Variants in SNX31 observed in about 807,000 individuals in gnomAD.
SNX31 encodes the protein sorting nexin 31.
In SNX31, 58 loss-of-function variants were observed where a neutral mutation model predicts 65.4. That is an observed-to-expected ratio of 0.89 (90% CI 0.72 to 1.10). SNX31 has a LOEUF of 1.10. SNX31 is among the 50% of genes least tolerant of loss of function. SNX31 has a pLI of 0.00. For missense variants in SNX31, 523 were observed against 529.7 expected (o/e 0.99, Z 0.12); for synonymous variants, 181 against 190.1 (o/e 0.95, Z 0.39).
At chr8:100,659,878 T>TC (rs1268868217) in intron 1 of SNX31, among the ~76,000 whole-genome samples, 3 of 152,178 alleles carry the variant, frequency 2.0e-5, no homozygotes, top group Non-Finnish European at 2.9e-5. Context: ...TGTTTTTTTT[T>TC]CACTTAATCC....
chr8:100,653,209 G>A (rs1820004178), upstream of SNX31, among the ~76,000 whole-genome samples: 2 of 152,066 alleles, frequency 1.3e-5, no homozygotes, highest in Non-Finnish European at 2.9e-5. Context: ...GGTGCTCTAG[G>A]GTCTTTGGAA....
chr8:100,654,628 T>C (rs1356446975), upstream of SNX31, among the ~76,000 whole-genome samples: 1 of 152,224 alleles, frequency 6.6e-6, no homozygotes, highest in Non-Finnish European at 1.5e-5. Flanking sequence ...CCAGGGGACC[T>C]GGGAATGGGC....
chr8:100,584,038 G>A lies in SNX31; in HGVS notation c.1170+73C>T, dbSNP rs1813797158. The stretch of plus-strand genomic sequence containing the variant: ...CTGCTGGCTCAGGGAGCTCATGAGT[G>A]TAGTTTGGTCTCCAACTGTTGGCTG... On this transcript the variant is annotated intron_variant, in intron 12 of 13. Transcript: ENST00000311812. The A allele has an allele frequency of 2.4e-5, 33 of 1,367,424 alleles. 1 individual carries two copies. In the South Asian group the frequency reaches 3.9e-4, roughly 16 times the overall value. 84.7% of individuals were successfully genotyped at this position (1,367,424 alleles called of 1,614,324 possible). A position where few individuals can be genotyped will look rare whatever the true frequency, so the allele number is the denominator to read the frequency against.
chr8:100,638,188 C>G (rs904958682), intron 2 of SNX31, among the ~76,000 whole-genome samples: 6 of 152,200 alleles, frequency 3.9e-5, no homozygotes, highest in Admixed American at 6.5e-5. Flanking sequence ...GATCATTCCA[C>G]TGCCTTTCTC....
chr8:100,614,640 T>C lies in SNX31; in HGVS notation c.433-1555A>G, dbSNP rs188333603. On this transcript the variant is annotated intron_variant, in intron 5 of 13. Coordinates refer to ENST00000311812, the MANE Select transcript of SNX31 (RefSeq NM_152628.4). This position sits in a 1 kb window ranked among gnomAD's most constrained non-coding sequence, Gnocchi z 5.1. ...CTGTAATCCCAGCACTTTGGAAGGCTGAGGCGGGTTGATCACCTAAGGTCA... is the reference window on the plus strand; with the variant it reads ...CTGTAATCCCAGCACTTTGGAAGGCCGAGGCGGGTTGATCACCTAAGGTCA... Among the ~76,000 whole-genome samples, 635 of 152,184 alleles carry C rather than the reference T, an allele frequency of 4.2e-3. 4 individuals are homozygous for C. The highest frequency in any genetic ancestry group is 0.015 in the African/African-American group (603 of 41,508).
rs1322712879 is a variant in SNX31 at position 100,588,247 on chromosome 8, T to A, written c.1092+619A>T. 6.6e-6 allele frequency among the ~76,000 whole-genome samples: 1 copy of A among 152,192 alleles called. No homozygotes were observed. The highest frequency in any genetic ancestry group is 2.4e-5 in the African/African-American group (1 of 41,444). ...ATGTATATGCAAATATTTCAAGATTTAAAAAAATCTGCAATTGGAAACAAT... is the reference window on the plus strand; with the variant it reads ...ATGTATATGCAAATATTTCAAGATTAAAAAAAATCTGCAATTGGAAACAAT... On this transcript the variant is annotated intron_variant, in intron 11 of 13. Transcript: ENST00000311812. This position sits in a 1 kb window ranked among gnomAD's most constrained non-coding sequence, Gnocchi z 4.8.
intron 1 of SNX31, among the ~76,000 whole-genome samples, chr8:100,656,611 A>G (rs1820055581): frequency 7.7e-6 from 1 of 129,474 alleles, no homozygotes; most frequent in South Asian, 2.7e-4. Flanking sequence ...ACTGCACTCC[A>G]GCCTGGGCAA....
intron 1 of SNX31, among the ~76,000 whole-genome samples, chr8:100,655,372 C>T (rs1367784899): frequency 6.6e-6 from 1 of 152,176 alleles, no homozygotes; most frequent in Non-Finnish European, 1.5e-5. Flanking sequence ...ACCCAAATCT[C>T]ATCTTGAATT....
chr8:100,616,414 A>G (rs62513876), intron 5 of SNX31, among the ~76,000 whole-genome samples: 34,007 of 152,092 alleles, frequency 0.22, 4,515 homozygotes, highest in African/African-American at 0.36. Flanking sequence ...CCCCAGACAC[A>G]TGCAGTCTGT....
At chr8:100,632,021 C>T (rs754432397) in intron 3 of SNX31, among the ~76,000 whole-genome samples, 15 of 152,088 alleles carry the variant, frequency 9.9e-5, no homozygotes, top group African/African-American at 3.1e-4. Flanking sequence ...TTCTGTTTCA[C>T]GGATAAAGAA....
At chr8:100,643,147 C>G (rs572258514) in intron 2 of SNX31, among the ~76,000 whole-genome samples, 1 of 151,970 alleles carries the variant, frequency 6.6e-6, no homozygotes, top group Non-Finnish European at 1.5e-5. Context: ...GAGCTGAGAT[C>G]GCACCACCTC....
intron 8 of SNX31, among the ~76,000 whole-genome samples, chr8:100,601,722 A>G (rs568343615): frequency 6.6e-6 from 1 of 152,312 alleles, no homozygotes; most frequent in Admixed American, 6.5e-5. Context: ...CAAATCCCTA[A>G]TGGGGTTCTT....
rs7004470 is a variant in SNX31 at position 100,625,673 on chromosome 8, G to A, written c.321+4654C>T. On this transcript the variant is annotated intron_variant, in intron 4 of 13. Transcript: ENST00000311812. This position sits in a 1 kb window ranked among gnomAD's most constrained non-coding sequence, Gnocchi z 4.2. ...GGTTTTCAGAAGGGCTGCCAAGTGC[G>A]TTGAAAATTGAACCTGGTCAGGAAG... is the stretch of plus-strand genomic sequence containing the variant. Among the ~76,000 whole-genome samples, 42,491 of 152,002 alleles carry A rather than the reference G, an allele frequency of 0.28. 6,734 individuals are homozygous for A. Among genetic ancestry groups the A allele is most frequent in the African/African-American group, 0.43 (17,768 of 41,404 alleles).
chr8:100,650,861 T>G (rs1275881172), upstream of SNX31, among the ~76,000 whole-genome samples: 3 of 132,188 alleles, frequency 2.3e-5, no homozygotes, highest in Admixed American at 7.3e-5. Flanking sequence ...TTTTTTTTTT[T>G]TTTGTTTTGA....
At chr8:100,628,727 A>C (rs958900566) in intron 4 of SNX31, among the ~76,000 whole-genome samples, 6 of 152,040 alleles carry the variant, frequency 3.9e-5, no homozygotes, top group African/African-American at 1.2e-4. Flanking sequence ...GTACCCTAAA[A>C]CTTAAAGTAT....
chr8:100,658,389 G>T (rs997723401), intron 1 of SNX31, among the ~76,000 whole-genome samples: 2 of 152,242 alleles, frequency 1.3e-5, no homozygotes, highest in Non-Finnish European at 2.9e-5. Context: ...TTCATGTGCA[G>T]AATGAAAGTT....
At chr8:100,592,246 A>G (rs987874035) in intron 10 of SNX31, among the ~76,000 whole-genome samples, 2 of 152,212 alleles carry the variant, frequency 1.3e-5, no homozygotes, top group Non-Finnish European at 2.9e-5. Context: ...AAAAGATCTA[A>G]ACAGAACTTC....
chr8:100,633,203 G>A (rs1204784720), intron 3 of SNX31, among the ~76,000 whole-genome samples: 1 of 151,700 alleles, frequency 6.6e-6, no homozygotes, highest in African/African-American at 2.4e-5. Flanking sequence ...TGCTGGAATT[G>A]CAGGCATGAG....
At chr8:100,596,562 T>G (rs749401610) in intron 10 of SNX31, 77 bp downstream of exon 10, 27 of 1,217,932 alleles carry the variant, frequency 2.2e-5, no homozygotes, top group Non-Finnish European at 3.3e-5. Context: ...CAAACCTGTC[T>G]CCCTAGTGTC....
Sources: gnomAD v4.1 joint callset for allele counts (sites outside exome capture counted in the v4.1 genomes callset) on GRCh38, gnomAD v4.1.1 for gene constraint, Gnocchi (gnomAD v3.1) non-coding constraint, MANE v1.5 for transcripts, NCBI Gene and HGNC (gene_info 2026-07-23, HGNC 2026-07-21) for gene names.